PRR14: variants seen among roughly 807,000 people sequenced by gnomAD.
The protein encoded by PRR14 is proline rich 14.
In PRR14, 33 loss-of-function variants were observed where a neutral mutation model predicts 57.2. The observed-to-expected ratio is 0.58, with a 90% CI of 0.44 to 0.77. PRR14 has a LOEUF of 0.77. PRR14 is among the 30% of genes least tolerant of loss of function. The pLI is 0.00. For synonymous variants in PRR14, 303 were observed against 314.7 expected (o/e 0.96, Z 0.39); for missense variants, 716 against 788.1 (o/e 0.91, Z 1.10).
chr16:30,653,303 A>G (rs894221245), intron 5 of PRR14, 62 bp from the exon 6 acceptor site: 18 of 1,553,784 alleles, frequency 1.2e-5, no homozygotes, highest in Non-Finnish European at 1.5e-5. Flanking sequence ...TGAAAGAGTC[A>G]GGATGTGGGG....
rs377575544 is a variant in PRR14, at chr16:30,655,373, G to A, written c.1267G>A (p.Glu423Lys). The part of the protein sequence containing the change: ...EPRLGSTKGK[E>K]PRASKDQVLS... ...CAGGTTGGGTTCAACCAAAGGGAAGGAGCCAAGAGCCTCAAAGGACCAGGT... is the reference window on the plus strand; with the variant it reads ...CAGGTTGGGTTCAACCAAAGGGAAGAAGCCAAGAGCCTCAAAGGACCAGGT... Residue 423 changes from glutamate to lysine, a missense_variant, in exon 9 of 12, where the codon GAG (glutamate) becomes AAG (lysine). By Grantham distance (56) the Glu-to-Lys change is moderately conservative. Coordinates refer to ENST00000300835, the MANE Select transcript of PRR14 (RefSeq NM_024031.5). This position sits in a 1 kb window ranked among gnomAD's most constrained non-coding sequence, Gnocchi z 4.6. The A allele has an allele frequency of 1.2e-6, 2 of 1,613,914 alleles. No individual in the cohort carries two copies. Among genetic ancestry groups the A allele is most frequent in the Middle Eastern group, 1.6e-4 (1 of 6,084 alleles).
chr16:30,651,345 G>A lies in PRR14; in HGVS notation c.-51+218G>A, dbSNP rs1865893929. ...GGGACAAAGGCCTCGGGAGGCTCGGGCCGCGGGAGAACTGGGGCCGCTGCA... is the reference window on the plus strand; with the variant it reads ...GGGACAAAGGCCTCGGGAGGCTCGGACCGCGGGAGAACTGGGGCCGCTGCA... On this transcript the variant is annotated intron_variant, in intron 1 of 11. Coordinates refer to ENST00000300835, the MANE Select transcript of PRR14 (RefSeq NM_024031.5). This position sits in a 1 kb window ranked among gnomAD's most constrained non-coding sequence, Gnocchi z 5.0. The A allele has an allele frequency of 2.3e-6, 1 of 437,074 alleles. No individual in the cohort carries two copies. The allele number at this position is 437,074 out of a possible 1,614,324, so 27.1% of individuals were successfully genotyped here.
chr16:30,654,598 A>T (rs1208534455), intron 7 of PRR14, 31 bp from the exon 8 acceptor site: 2 of 1,530,670 alleles, frequency 1.3e-6, no homozygotes, highest in Admixed American at 1.8e-5. Flanking sequence ...CAGCCAAGGA[A>T]TATCCACCTG....
Position 30,656,074 on chromosome 16 carries a change from G to T in PRR14, c.1521G>T (p.Gly507=), listed in dbSNP as rs2052369064. The change falls in exon 12 of 12, where the codon GGG becomes GGT. Residue 507 remains glycine (G), a synonymous_variant. Coordinates refer to ENST00000300835, the MANE Select transcript of PRR14 (RefSeq NM_024031.5). ...TIFEEPRERN[G]TLIFTSSRKL... ...TTGAGGAACCCCGGGAGCGCAATGG[G>T]ACTCTGATTTTCACCAGCTCAAGGA... 4 of 1,553,072 alleles carry T rather than the reference G, an allele frequency of 2.6e-6. No homozygotes were observed. The highest frequency in any genetic ancestry group is 1.7e-4 in the Middle Eastern group (1 of 5,720).
At position 30,656,390 on chromosome 16, in the gene PRR14, G is replaced by A. The variant is rs968382969; in HGVS notation, c.*79G>A. ...TTATTTTTTTTTCTCTATATTTCTAGTAAAGTTTTCGATATGTTTCTGATT... is the reference window on the plus strand; with the variant it reads ...TTATTTTTTTTTCTCTATATTTCTAATAAAGTTTTCGATATGTTTCTGATT... On this transcript the variant is annotated 3_prime_UTR_variant, in exon 12 of 12. Coordinates refer to ENST00000300835, the MANE Select transcript of PRR14 (RefSeq NM_024031.5). 4 of 1,373,038 alleles carry A rather than the reference G, an allele frequency of 2.9e-6. No homozygotes were observed. The highest frequency in any genetic ancestry group is 3.9e-6 in the Non-Finnish European group (4 of 1,023,320). 85.1% of individuals were successfully genotyped at this position (1,373,038 alleles called of 1,614,324 possible).
intron 3 of PRR14, chr16:30,652,232 CTTT>C (rs749845482): frequency 8.0e-4 from 417 of 518,056 alleles, no homozygotes; most frequent in Admixed American, 9.6e-4. Context: ...TTTTTTCTAT[CTTT>C]TTTTTTTTTT....
In PRR14 at chr16:30,651,932, G is replaced by C; in HGVS notation, c.160G>C (p.Val54Leu). 6.4e-7 allele frequency: 1 copy of C among 1,567,788 alleles called. No individual in the cohort carries two copies. The change falls in exon 3 of 12, where the codon GTG (valine) becomes CTG (leucine). Residue 54 changes from valine (V) to leucine (L), a missense_variant. Val to Leu is a conservative substitution (Grantham distance 32). Coordinates refer to ENST00000300835, the MANE Select transcript of PRR14 (RefSeq NM_024031.5). The surrounding 1 kb of genome is among the most constrained non-coding windows in gnomAD (Gnocchi z 5.0). The stretch of plus-strand genomic sequence containing the variant: ...AAAGGCCTCTCGGCGGGTCCTGGCC[G>C]TGGTGCTAGAAGATGTCATGGCTGT... ...LEKASRRVLA[V>L]VLEDVMAVHM...
chr16:30,655,106 G>T lies in PRR14; in HGVS notation c.1136G>T (p.Cys379Phe). The change falls in exon 8 of 12, where the codon TGT (cysteine) becomes TTT (phenylalanine). Residue 379 changes from cysteine (C) to phenylalanine (F), a missense_variant. Coordinates refer to ENST00000300835, the MANE Select transcript of PRR14 (RefSeq NM_024031.5). The surrounding 1 kb of genome is among the most constrained non-coding windows in gnomAD (Gnocchi z 4.6). ...CGAGCCCCGCCACCCCCTCGGCCCT[G>T]TCTCCGGAAAGAGGTCTTCCCTCTC... ...MARAPPPPRP[C>F]LRKEVFPLGG... The T allele has an allele frequency of 6.2e-7, 1 of 1,611,948 alleles. No homozygotes were observed.
Position 30,651,979 on chromosome 16 carries a change from C to T in PRR14, c.192+15C>T, listed in dbSNP as rs979970746. The T allele has an allele frequency of 1.3e-6, 2 of 1,522,812 alleles. No homozygotes were observed. The highest frequency in any genetic ancestry group is 1.8e-6 in the Non-Finnish European group (2 of 1,138,336). The allele number at this position is 1,522,812 out of a possible 1,614,324, so 94.3% of individuals were successfully genotyped here. ...CTGTTCACATGGTGAGCCCCCTGAACCAAGAGACTCTCTATTCCCCCATGA... is the reference window on the plus strand; with the variant it reads ...CTGTTCACATGGTGAGCCCCCTGAATCAAGAGACTCTCTATTCCCCCATGA... On this transcript the variant is annotated intron_variant, in intron 3 of 11. Coordinates refer to ENST00000300835, the MANE Select transcript of PRR14 (RefSeq NM_024031.5). The surrounding 1 kb of genome is among the most constrained non-coding windows in gnomAD (Gnocchi z 5.0).
rs1233948293 is a variant in PRR14 at position 30,651,021 on chromosome 16, G to A, written c.-157G>A. On this transcript the variant is annotated 5_prime_UTR_variant, in exon 1 of 12. Transcript: ENST00000300835. This position sits in a 1 kb window ranked among gnomAD's most constrained non-coding sequence, Gnocchi z 5.0. ...ATCCCTGGGGATCTACGCTGAGTTCGGAGATGCTCCAGCTCGGGCCGCCCC... is the reference window on the plus strand; with the variant it reads ...ATCCCTGGGGATCTACGCTGAGTTCAGAGATGCTCCAGCTCGGGCCGCCCC... 2.2e-6 allele frequency: 1 copy of A among 456,358 alleles called. No individual in the cohort carries two copies. Among genetic ancestry groups the A allele is most frequent in the Non-Finnish European group, 4.4e-6 (1 of 226,666 alleles). 28.3% of individuals were successfully genotyped at this position (456,358 alleles called of 1,614,324 possible). A position where few individuals can be genotyped will look rare whatever the true frequency, so the allele number is the denominator to read the frequency against.
In PRR14 at chr16:30,656,189, G is replaced by A; in HGVS notation, c.1636G>A (p.Val546Ile). Reference sequence around the variant, plus strand: ...GGTCCGGGCTGCAGGGGGCAGGACTGTTCCTCCCAATGTGGCCCCCAGCCC... The same window carrying A: ...GGTCCGGGCTGCAGGGGGCAGGACTATTCCTCCCAATGTGGCCCCCAGCCC... ...RGVRAAGGRT[V>I]PPNVAPSPDV... Residue 546 changes from valine to isoleucine, a missense_variant, in exon 12 of 12, where the codon GTT becomes ATT. Physicochemically the swap from Val to Ile is conservative, Grantham distance 29. Transcript: ENST00000300835. 6.2e-7 allele frequency: 1 copy of A among 1,611,306 alleles called. No individual in the cohort carries two copies. Among genetic ancestry groups the A allele is most frequent in the South Asian group, 1.1e-5 (1 of 90,790 alleles).
upstream of PRR14, chr16:30,650,919 G>A (rs1489672561): frequency 1.2e-5 from 5 of 429,658 alleles, no homozygotes; most frequent in South Asian, 7.9e-5. Flanking sequence ...CGCTGGGCGG[G>A]GACGCGAGGA....
chr16:30,654,520 A>T, intron 7 of PRR14, 109 bp from the exon 8 acceptor site: 1 of 997,476 alleles, frequency 1.0e-6, no homozygotes, highest in Middle Eastern at 2.5e-4. Context: ...TGCAGAACTT[A>T]GTGTTTTAAG....
Position 30,652,930 on chromosome 16 carries a change from T to C in PRR14, c.331T>C (p.Cys111Arg). The C allele has an allele frequency of 6.2e-7, 1 of 1,613,962 alleles. No homozygotes were observed. The highest frequency in any genetic ancestry group is 8.5e-7 in the Non-Finnish European group (1 of 1,179,952). ...CCTCGCTAGGCCTCCCGACCCTCTG[T>C]GTTTGTGTCGCGAGCCCTTGAGCCG... ...SSQARPPDPL[C>R]LCREPLSRIH... Residue 111 changes from cysteine (C) to arginine (R), a missense_variant, in exon 5 of 12, where the codon TGT (cysteine) becomes CGT (arginine). Transcript: ENST00000300835.
In PRR14 at chr16:30,655,755, A is replaced by C. The variant is rs753904040; in HGVS notation, c.1407-113A>C. ...TCAAAATTGCCTGTCTGCCTTATGT[A>C]GCACTCCTGGCCCTGACATGTCCCA... On this transcript the variant is annotated intron_variant, in intron 10 of 11. Coordinates refer to ENST00000300835, the MANE Select transcript of PRR14 (RefSeq NM_024031.5). The surrounding 1 kb of genome is among the most constrained non-coding windows in gnomAD (Gnocchi z 4.6). 3 of 1,339,328 alleles carry C rather than the reference A, an allele frequency of 2.2e-6. No homozygotes were observed. The highest frequency in any genetic ancestry group is 3.2e-6 in the Non-Finnish European group (3 of 931,644). 83.0% of individuals were successfully genotyped at this position (1,339,328 alleles called of 1,614,324 possible).
In PRR14 at chr16:30,654,873, G is replaced by T. The variant is rs372533577; in HGVS notation, c.903G>T (p.Ala301=). ...AGTCTGGGGCTGCTGAGGGCACTGC[G>T]TCTGTCAGCCCCCGGCCCCCAATCC... is the stretch of plus-strand genomic sequence containing the variant. ...AEQSGAAEGT[A]SVSPRPPIRQ... is the part of the protein sequence containing the mutation. Residue 301 remains alanine (A), a synonymous_variant, in exon 8 of 12, where the codon GCG becomes GCT. Transcript: ENST00000300835. The T allele has an allele frequency of 6.2e-7, 1 of 1,609,850 alleles. No individual in the cohort carries two copies.
intron 7 of PRR14, 107 bp from the exon 8 acceptor site, chr16:30,654,522 T>C (rs1481222057): frequency 4.0e-6 from 4 of 1,010,284 alleles, no homozygotes; most frequent in Non-Finnish European, 5.9e-6. Context: ...CAGAACTTAG[T>C]GTTTTAAGGG....
At position 30,651,704 on chromosome 16, in the gene PRR14, C is replaced by T. The variant is rs2052314577; in HGVS notation, c.23+36C>T. The T allele has an allele frequency of 6.2e-7, 1 of 1,612,278 alleles. No individual in the cohort carries two copies. Among genetic ancestry groups the T allele is most frequent in the Non-Finnish European group, 8.5e-7 (1 of 1,179,718 alleles). Reference sequence around the variant, plus strand: ...ACCCGGGCGGCCCGCCTGTCTTGACCCCGGGAGATGGGGATCCTGGCGACC... The same window carrying T: ...ACCCGGGCGGCCCGCCTGTCTTGACTCCGGGAGATGGGGATCCTGGCGACC... On this transcript the variant is annotated intron_variant, in intron 2 of 11. Coordinates refer to ENST00000300835, the MANE Select transcript of PRR14 (RefSeq NM_024031.5). This position sits in a 1 kb window ranked among gnomAD's most constrained non-coding sequence, Gnocchi z 5.0.
intron 4 of PRR14, 28 bp downstream of exon 4, chr16:30,652,870 G>A (rs377151382): frequency 3.3e-5 from 54 of 1,613,878 alleles, no homozygotes; most frequent in Admixed American, 1.2e-4. Context: ...GGGGTAAGCC[G>A]AGGGCCCAGC....
Sources: allele counts gnomAD v4.1 joint callset, GRCh38; gene constraint gnomAD v4.1.1; non-coding constraint Gnocchi (gnomAD v3.1); transcripts MANE v1.5; gene names NCBI Gene and HGNC (gene_info 2026-07-23, HGNC 2026-07-21).